Variants in TMEM161B observed in about 807,000 individuals in gnomAD.
The protein encoded by TMEM161B is transmembrane protein 161B.
Under a neutral mutation model 61.8 loss-of-function variants are expected in TMEM161B, and 34 were observed. That is an observed-to-expected ratio of 0.55 (90% confidence interval 0.42 to 0.73). The LOEUF is 0.73. Ranked by LOEUF, TMEM161B falls within the 30% of genes least tolerant of loss-of-function variation. The probability of loss-of-function intolerance (pLI) is 0.00; values close to 1 mark genes in which losing one functional copy is unlikely to be tolerated. For synonymous variants in TMEM161B, 167 were observed against 192.8 expected (o/e 0.87, Z 1.11); for missense variants, 456 against 558.5 (o/e 0.82, Z 1.85).
At chr5:88,228,300 C>T (rs1332915655) in intron 3 of TMEM161B, 145 bp downstream of exon 3, 1 of 622,730 alleles carries the variant, frequency 1.6e-6, no homozygotes. Context: ...TATATTACTA[C>T]AGATTAGATT....
chr5:88,267,181 C>T lies in TMEM161B; in HGVS notation c.3+1540G>A, dbSNP rs187671381. On this transcript the variant is annotated intron_variant, in intron 1 of 11. Coordinates refer to ENST00000296595, the MANE Select transcript of TMEM161B (RefSeq NM_153354.5). ...AACTACTGTTACTTTAGAAAAATCA[C>T]TGTCAATTTCTAGACCCCAGATTCT... 2.3e-3 allele frequency among the ~76,000 whole-genome samples: 352 copies of T among 152,302 alleles called. 1 individual carries two copies. The highest frequency in any genetic ancestry group is 8.2e-3 in the African/African-American group (340 of 41,584).
At chr5:88,189,998 C>T in exon 13 of TMEM161B, 1 of 694,026 alleles carries the variant, frequency 1.4e-6, no homozygotes, top group Admixed American at 2.0e-5. Context: ...CCACAAACGC[C>T]AGCCCATTAT....
chr5:88,208,121 C>T (rs1745898723), intron 5 of TMEM161B, among the ~76,000 whole-genome samples: 1 of 151,940 alleles, frequency 6.6e-6, no homozygotes, highest in Non-Finnish European at 1.5e-5. Flanking sequence ...AGGTCTAAGC[C>T]GGCGGATCAC....
In TMEM161B at chr5:88,248,874, CTG is replaced by C. The variant is rs147465404; in HGVS notation, c.4-7960_4-7959del. On this transcript the variant is annotated intron_variant, in intron 1 of 11. Transcript: ENST00000296595. ...CTTTTAAGGAAATCCTTTTAAATCT[CTG>C]TTTACCACACTCTAGCCAGGACAAA... 5.3e-3 allele frequency among the ~76,000 whole-genome samples: 810 copies of C among 152,212 alleles called. 4 individuals carry two copies. Among genetic ancestry groups the C allele is most frequent in the African/African-American group, 0.018 (752 of 41,544 alleles).
intron 1 of TMEM161B, among the ~76,000 whole-genome samples, chr5:88,261,154 T>A (rs1755638671): frequency 6.6e-6 from 1 of 152,092 alleles, no homozygotes; most frequent in Admixed American, 6.6e-5. Context: ...AATTTGAAAT[T>A]AAAAATACTA....
intron 5 of TMEM161B, among the ~76,000 whole-genome samples, chr5:88,218,451 A>G (rs1156557304): frequency 6.6e-6 from 1 of 152,202 alleles, no homozygotes; most frequent in African/African-American, 2.4e-5. Flanking sequence ...CTAGGTAAAA[A>G]AAGATGGTAA....
At chr5:88,224,660 T>C (rs1323456149) in intron 4 of TMEM161B, among the ~76,000 whole-genome samples, 1 of 152,202 alleles carries the variant, frequency 6.6e-6, no homozygotes, top group Non-Finnish European at 1.5e-5. Context: ...ATATGGGTAA[T>C]TCAATAGAAA....
At chr5:88,246,331 G>A (rs940878111) in intron 1 of TMEM161B, among the ~76,000 whole-genome samples, 1 of 151,228 alleles carries the variant, frequency 6.6e-6, no homozygotes, top group Non-Finnish European at 1.5e-5. Context: ...ATCTACATAA[G>A]TTTTTGGAGA....
chr5:88,196,539 C>T (rs975831636), intron 11 of TMEM161B, 51 bp from the exon 12 acceptor site: 1 of 1,489,132 alleles, frequency 6.7e-7, no homozygotes, highest in Non-Finnish European at 8.9e-7. Context: ...AATTACCAAG[C>T]TTTTTATTAA....
intron 1 of TMEM161B, among the ~76,000 whole-genome samples, chr5:88,254,556 G>A (rs1350496762): frequency 2.6e-5 from 4 of 152,168 alleles, no homozygotes; most frequent in African/African-American, 9.7e-5. Flanking sequence ...GATTGATTTA[G>A]CAGGATGTGG....
chr5:88,241,157 A>G (rs1752670229), intron 1 of TMEM161B, among the ~76,000 whole-genome samples: 1 of 152,028 alleles, frequency 6.6e-6, no homozygotes, highest in African/African-American at 2.4e-5. Context: ...AAAATAGAGT[A>G]TAACTATTAA....
intron 1 of TMEM161B, among the ~76,000 whole-genome samples, chr5:88,262,362 TAC>T (rs1382921213): frequency 6.6e-6 from 1 of 152,136 alleles, no homozygotes; most frequent in African/African-American, 2.4e-5. Flanking sequence ...TGTGGTTTCT[TAC>T]AGTCTTACCA....
At position 88,268,813 on chromosome 5, in the gene TMEM161B, C is replaced by T; in HGVS notation, c.-90G>A. 3.7e-6 allele frequency: 6 copies of T among 1,600,724 alleles called. No homozygotes were observed. The highest frequency in any genetic ancestry group is 4.3e-6 in the Non-Finnish European group (5 of 1,171,334). On this transcript the variant is annotated 5_prime_UTR_variant, in exon 1 of 12. Coordinates refer to ENST00000296595, the MANE Select transcript of TMEM161B (RefSeq NM_153354.5). ...CTCCCGGTCCTTGAGCCGAGAGACT[C>T]TCAAACAGCGAAAGAGAGGGTCTTC...
intron 2 of TMEM161B, among the ~76,000 whole-genome samples, chr5:88,239,503 C>T (rs1351999518): frequency 6.6e-6 from 1 of 151,904 alleles, no homozygotes; most frequent in Non-Finnish European, 1.5e-5. Context: ...ATTGCACAGG[C>T]ATATTAAGCC....
chr5:88,240,774 T>C (rs1200135739), intron 2 of TMEM161B, 39 bp downstream of exon 2: 1 of 1,429,334 alleles, frequency 7.0e-7, no homozygotes, highest in Non-Finnish European at 9.9e-7. Flanking sequence ...AAACTAGAGA[T>C]TGAAAGTGTC....
chr5:88,209,186 G>A (rs535671760), intron 5 of TMEM161B, among the ~76,000 whole-genome samples: 2 of 150,842 alleles, frequency 1.3e-5, no homozygotes, highest in African/African-American at 5.0e-5. Flanking sequence ...GGCATTATAA[G>A]GAAGAGCTTA....
At chr5:88,224,724 A>G (rs1749664836) in intron 4 of TMEM161B, among the ~76,000 whole-genome samples, 1 of 152,156 alleles carries the variant, frequency 6.6e-6, no homozygotes, top group African/African-American at 2.4e-5. Flanking sequence ...ACTTATATGC[A>G]GATTCTCTTC....
chr5:88,242,137 G>A (rs777949542), intron 1 of TMEM161B, among the ~76,000 whole-genome samples: 5 of 151,442 alleles, frequency 3.3e-5, no homozygotes, highest in Non-Finnish European at 7.4e-5. Context: ...TAATTTCCCC[G>A]TTCGACAGCC....
At chr5:88,202,796 T>C (rs1329726177) in intron 9 of TMEM161B, 166 bp downstream of exon 9, 1 of 647,848 alleles carries the variant, frequency 1.5e-6, no homozygotes, top group Non-Finnish European at 2.8e-6. Context: ...ACAAAAATGT[T>C]ACATGATGGT....
Sources: allele counts gnomAD v4.1 joint callset (sites outside exome capture counted in the v4.1 genomes callset), GRCh38; gene constraint gnomAD v4.1.1; transcripts MANE v1.5; gene names NCBI Gene and HGNC (gene_info 2026-07-23, HGNC 2026-07-21).